PXDNL: variants seen among roughly 807,000 people sequenced by gnomAD.
The protein encoded by PXDNL is probable oxidoreductase PXDNL.
Under a neutral mutation model 150.8 loss-of-function variants are expected in PXDNL, and 145 were observed. The ratio of observed to expected loss-of-function variants is 0.96; its 90% confidence interval spans 0.84 to 1.10. The LOEUF is 1.10. PXDNL is among the 50% of genes least tolerant of loss of function. The pLI, the probability that PXDNL is intolerant of heterozygous loss-of-function variation, is 0.00. For missense variants in PXDNL, 2,087 were observed against 1,873.9 expected (o/e 1.11, Z -2.10); for synonymous variants, 757 against 725.7 (o/e 1.04, Z -0.69).
chr8:51,621,698 G>T (rs1814258667), intron 2 of PXDNL, among the ~76,000 whole-genome samples: 1 of 152,138 alleles, frequency 6.6e-6, no homozygotes. Context: ...CCCACACTTT[G>T]AGAGGCTGAG....
chr8:51,763,063 A>T (rs954333295), intron 1 of PXDNL, among the ~76,000 whole-genome samples: 1 of 152,166 alleles, frequency 6.6e-6, no homozygotes, highest in Non-Finnish European at 1.5e-5. Flanking sequence ...CACCCCATAA[A>T]GAAACTCCAT....
chr8:51,430,106 C>T (rs1383106034), intron 12 of PXDNL, among the ~76,000 whole-genome samples: 1 of 152,162 alleles, frequency 6.6e-6, no homozygotes, highest in African/African-American at 2.4e-5. Context: ...GCTGCTTTCA[C>T]CTCCTGACAC....
At chr8:51,506,744 T>C (rs1296177362) in intron 4 of PXDNL, among the ~76,000 whole-genome samples, 4 of 152,100 alleles carry the variant, frequency 2.6e-5, no homozygotes, top group Non-Finnish European at 5.9e-5. Flanking sequence ...GTTGAATTAT[T>C]TGGTGGTTCT....
intron 21 of PXDNL, among the ~76,000 whole-genome samples, chr8:51,335,682 TACACACACACACAC>T (rs3040925): frequency 2.9e-5 from 4 of 137,494 alleles, no homozygotes; most frequent in South Asian, 2.4e-4. Flanking sequence ...TTATATACCC[TACACACACACACAC>T]ACACACACAC....
At chr8:51,459,725 C>G (rs1359208694) in intron 8 of PXDNL, among the ~76,000 whole-genome samples, 1 of 152,140 alleles carries the variant, frequency 6.6e-6, no homozygotes, top group African/African-American at 2.4e-5. Flanking sequence ...ATGCAAATAG[C>G]AATCATATGT....
At position 51,457,610 on chromosome 8, in the gene PXDNL, G is replaced by A. The variant is rs759553271; in HGVS notation, c.870C>T (p.Leu290=). 5.6e-6 allele frequency: 9 copies of A among 1,613,846 alleles called. No individual in the cohort carries two copies. The East Asian group carries it at 2.0e-4, about 36-fold the overall frequency. ...TRLNVFDDGT[L]MIRNTRESDQ... ...CTGACTCTCTGGTGTTTCGGATCAT[G>A]AGTGTGCCATCATCAAACACATTAA... Residue 290 remains leucine (L), a synonymous_variant, in exon 9 of 23, where the codon CTC becomes CTT. Coordinates refer to ENST00000356297, the MANE Select transcript of PXDNL (RefSeq NM_144651.5).
intron 4 of PXDNL, among the ~76,000 whole-genome samples, chr8:51,518,113 A>G (rs1326375822): frequency 6.6e-6 from 1 of 152,178 alleles, no homozygotes; most frequent in East Asian, 1.9e-4. Flanking sequence ...TTTATCATAG[A>G]CTTGTTTAAC....
intron 19 of PXDNL, among the ~76,000 whole-genome samples, chr8:51,360,050 A>AG (rs1419850511): frequency 2.6e-5 from 4 of 152,106 alleles, no homozygotes; most frequent in Admixed American, 2.0e-4. Context: ...AGCAAAAAAA[A>AG]AAAAAAAAGC....
At chr8:51,704,259 A>C (rs1816317911) in intron 1 of PXDNL, among the ~76,000 whole-genome samples, 1 of 152,196 alleles carries the variant, frequency 6.6e-6, no homozygotes, top group Admixed American at 6.6e-5. Context: ...TATATTTTGC[A>C]AATTGCTTTT....
intron 4 of PXDNL, among the ~76,000 whole-genome samples, chr8:51,532,652 G>A (rs1311766127): frequency 1.3e-5 from 2 of 152,168 alleles, no homozygotes; most frequent in East Asian, 1.9e-4. Context: ...TAAGCAGAAT[G>A]TAAAGGCTTC....
intron 6 of PXDNL, 117 bp from the exon 7 acceptor site, chr8:51,475,258 TC>T: frequency 2.1e-6 from 2 of 975,560 alleles, no homozygotes; most frequent in Non-Finnish European, 3.0e-6. Flanking sequence ...CATTTTTGAC[TC>T]CAGGATTCTA....
At chr8:51,544,791 T>C (rs1812318760) in intron 4 of PXDNL, among the ~76,000 whole-genome samples, 1 of 152,232 alleles carries the variant, frequency 6.6e-6, no homozygotes. Flanking sequence ...GGCATTTCTA[T>C]ACTGTGCTAC....
chr8:51,349,539 C>G (rs917837513), intron 19 of PXDNL, among the ~76,000 whole-genome samples: 2 of 152,242 alleles, frequency 1.3e-5, no homozygotes, highest in Non-Finnish European at 2.9e-5. Context: ...CTGAGAAGAG[C>G]AGAAGAGAAG....
intron 1 of PXDNL, among the ~76,000 whole-genome samples, chr8:51,739,938 C>T (rs1483495707): frequency 6.6e-6 from 1 of 151,112 alleles, no homozygotes; most frequent in Non-Finnish European, 1.5e-5. Flanking sequence ...AATTCACAAT[C>T]TGAAACACAA....
intron 4 of PXDNL, among the ~76,000 whole-genome samples, chr8:51,543,710 CAAAAAAA>C (rs572642373): frequency 0.061 from 3,681 of 60,410 alleles, 145 homozygotes; most frequent in African/African-American, 0.17. Context: ...GACTCCATAT[CAAAAAAA>C]AAAAAAAAAA....
intron 1 of PXDNL, among the ~76,000 whole-genome samples, chr8:51,729,765 G>A (rs1009755900): frequency 3.9e-5 from 6 of 152,076 alleles, no homozygotes; most frequent in African/African-American, 1.4e-4. Context: ...TCAGGTGAAT[G>A]GATAAACTGT....
rs1049883776 is a variant in PXDNL, at chr8:51,809,345, C to G, written c.-1G>C. ...TCCAGCAGAACAGTCTGGGCTCCATCGCTCCATTCGCTGCTGGCCACGCGA... is the reference window on the plus strand; with the variant it reads ...TCCAGCAGAACAGTCTGGGCTCCATGGCTCCATTCGCTGCTGGCCACGCGA... On this transcript the variant is annotated 5_prime_UTR_variant, in exon 1 of 23. Coordinates refer to ENST00000356297, the MANE Select transcript of PXDNL (RefSeq NM_144651.5). 4 of 1,528,692 alleles carry G rather than the reference C, an allele frequency of 2.6e-6. No homozygotes were observed. In the African/African-American group the frequency reaches 4.2e-5, roughly 16 times the overall value. The allele number at this position is 1,528,692 out of a possible 1,614,324, so 94.7% of individuals were successfully genotyped here. A position where few individuals can be genotyped will look rare whatever the true frequency, so the allele number is the denominator to read the frequency against.
chr8:51,415,718 A>C (rs1808781610), intron 14 of PXDNL, among the ~76,000 whole-genome samples: 1 of 152,214 alleles, frequency 6.6e-6, no homozygotes, highest in African/African-American at 2.4e-5. Context: ...AAGATGCTTA[A>C]GGTAAAAATT....
chr8:51,546,271 C>T (rs932732549), intron 4 of PXDNL, among the ~76,000 whole-genome samples: 1 of 152,178 alleles, frequency 6.6e-6, no homozygotes. Flanking sequence ...AAGGATTTAA[C>T]CTTACCTATA....
Sources: allele counts gnomAD v4.1 joint callset (sites outside exome capture counted in the v4.1 genomes callset), GRCh38; gene constraint gnomAD v4.1.1; transcripts MANE v1.5; gene names NCBI Gene and HGNC (gene_info 2026-07-23, HGNC 2026-07-21).